The following ZMAT1 variants were observed in gnomAD, a reference collection of about 807,000 sequenced individuals.
The protein encoded by ZMAT1 is zinc finger matrin-type protein 1.
Under a neutral mutation model 18.5 loss-of-function variants are expected in ZMAT1, and 11 were observed. The ratio of observed to expected loss-of-function variants is 0.59; its 90% CI spans 0.37 to 0.98. ZMAT1 has a LOEUF of 0.98. Ranked by LOEUF, ZMAT1 falls within the 50% of genes least tolerant of loss-of-function variation. The pLI, the probability that ZMAT1 is intolerant of heterozygous loss-of-function variation, is 0.01. For synonymous variants in ZMAT1, 211 were observed against 176.4 expected (o/e 1.20, Z -1.55); for missense variants, 525 against 496.2 (o/e 1.06, Z -0.55).
At chrX:101,918,483 C>CACAA (rs758997318) in intron 1 of ZMAT1, 2 of 98,462 alleles carry the variant, frequency 2.0e-5, no homozygotes, top group African/African-American at 7.4e-5. Flanking sequence ...CACACACACA[C>CACAA]AAAAATTAGC....
chrX:101,914,751 C>A (rs1208496382), intron 1 of ZMAT1, among the ~76,000 whole-genome samples: 4 of 111,035 alleles, frequency 3.6e-5, no homozygotes, highest in Non-Finnish European at 7.6e-5. Flanking sequence ...TTGCTAAATT[C>A]TAGTAAACAT....
intron 1 of ZMAT1, among the ~76,000 whole-genome samples, chrX:101,929,436 TATA>T (rs1930310728): frequency 1.4e-5 from 1 of 72,117 alleles, no homozygotes; most frequent in Non-Finnish European, 2.3e-5. Flanking sequence ...TATATATATA[TATA>T]TATATATATA....
intron 2 of ZMAT1, among the ~76,000 whole-genome samples, chrX:101,903,435 A>C (rs1928391305): frequency 8.9e-6 from 1 of 111,994 alleles, no homozygotes; most frequent in Non-Finnish European, 1.9e-5. Flanking sequence ...CATTAGGATT[A>C]AAATATAATT....
At chrX:101,885,753 G>A (rs1034787799) in intron 5 of ZMAT1, among the ~76,000 whole-genome samples, 2 of 110,950 alleles carry the variant, frequency 1.8e-5, no homozygotes, top group Non-Finnish European at 3.8e-5. Flanking sequence ...GTGTGATCAT[G>A]GTTCACTGCA....
chrX:101,883,641 G>C lies in ZMAT1; in HGVS notation c.1957C>G (p.Arg653Gly). 4 of 1,200,512 alleles carry C rather than the reference G, an allele frequency of 3.3e-6. No homozygotes were observed. Among genetic ancestry groups the C allele is most frequent in the Non-Finnish European group, 4.5e-6 (4 of 891,112 alleles). The change falls in exon 6 of 6, where the codon CGA (arginine) becomes GGA (glycine). Residue 653 changes from arginine to glycine, a missense_variant. By Grantham distance (125) the Arg-to-Gly change is moderately radical. Coordinates refer to ENST00000651725, the MANE Select transcript of ZMAT1 (RefSeq NM_001394560.1). The stretch of plus-strand genomic sequence containing the variant: ...ACATCATGGCTTTTTTTCTTTTTTC[G>C]ATGCTTAAGCTTTCCTGAACTGACC... Reference protein sequence around the residue: ...VKVSSGKLKHRKKKKSHDVPS... With the variant: ...VKVSSGKLKHGKKKKSHDVPS...
At chrX:101,908,796 C>CA (rs1447040474) in intron 1 of ZMAT1, among the ~76,000 whole-genome samples, 1 of 111,602 alleles carries the variant, frequency 9.0e-6, no homozygotes, top group African/African-American at 3.3e-5. Context: ...AAAGTGCTCT[C>CA]AGTCTCTAAG....
intron 1 of ZMAT1, among the ~76,000 whole-genome samples, chrX:101,908,079 G>A (rs1289690406): frequency 8.9e-6 from 1 of 112,167 alleles, no homozygotes; most frequent in African/African-American, 3.2e-5. Context: ...AACTAGAAAC[G>A]TGTAAAAAAT....
chrX:101,912,885 T>A (rs1429148268), intron 1 of ZMAT1, among the ~76,000 whole-genome samples: 2 of 112,208 alleles, frequency 1.8e-5, no homozygotes, highest in East Asian at 2.8e-4. Flanking sequence ...GACTTTGAGA[T>A]GGCTTTTACT....
chrX:101,931,876 C>G lies in ZMAT1; in HGVS notation c.133G>C (p.Val45Leu). ...AAAAAAAAAA[V>L]IVPASSATSA... ...GTGGCGGAGGAGGCAGGAACAATTA[C>G]TGCCGCCGCCGCCGCCGCCGCCGCC... Residue 45 changes from valine to leucine, a missense_variant, in exon 1 of 6, where the codon GTA becomes CTA. Transcript: ENST00000651725. 2 of 798,252 alleles carry G rather than the reference C, an allele frequency of 2.5e-6. No homozygotes were observed. Among genetic ancestry groups the G allele is most frequent in the Non-Finnish European group, 3.0e-6 (2 of 671,212 alleles). The allele number at this position is 798,252 out of a possible 1,213,427, so 65.8% of individuals were successfully genotyped here. A position where few individuals can be genotyped will look rare whatever the true frequency, so the allele number is the denominator to read the frequency against.
chrX:101,886,655 C>T lies in ZMAT1; in HGVS notation c.753G>A (p.Met251Ile). ...ACTTAATTTGATGTTCACTTCCTTG[C>T]ATGTGGGACCGGAACATATCTAAAG... ...FTSLDMFRSHMQGSEHQIKES... is the reference protein window; with the variant it reads ...FTSLDMFRSHIQGSEHQIKES... The change falls in exon 5 of 6, where the codon ATG (methionine) becomes ATA (isoleucine). Residue 251 changes from methionine (M) to isoleucine (I), a missense_variant. Transcript: ENST00000651725. 1 of 1,204,917 alleles carries T rather than the reference C, an allele frequency of 8.3e-7. No individual in the cohort carries two copies. Among genetic ancestry groups the T allele is most frequent in the Non-Finnish European group, 1.1e-6 (1 of 892,048 alleles).
chrX:101,907,635 T>A (rs1038606455), intron 1 of ZMAT1, among the ~76,000 whole-genome samples: 11 of 111,941 alleles, frequency 9.8e-5, no homozygotes, highest in Non-Finnish European at 1.5e-4. Flanking sequence ...TTTTTAGAAA[T>A]CTCAATGAAC....
chrX:101,883,569 ATTTC>A lies in ZMAT1; in HGVS notation c.2025_2028del (p.Lys675AsnfsTer30). ...TCCTCTTCTGTCCTTTCTTCAACAG[ATTTC>A]TTTTTCTCTTTCCTGTGCTTACGTT... On this transcript the variant is annotated frameshift_variant, in exon 6 of 6. Coordinates refer to ENST00000651725, the MANE Select transcript of ZMAT1 (RefSeq NM_001394560.1). LOFTEE classifies it high-confidence loss of function. The A allele has an allele frequency of 8.3e-7, 1 of 1,200,899 alleles. No individual in the cohort carries two copies. The highest frequency in any genetic ancestry group is 1.1e-6 in the Non-Finnish European group (1 of 892,388).
chrX:101,914,909 C>A (rs911406674), intron 1 of ZMAT1, among the ~76,000 whole-genome samples: 2 of 111,490 alleles, frequency 1.8e-5, no homozygotes, highest in Non-Finnish European at 3.8e-5. Flanking sequence ...AGGCCAAGAT[C>A]TCTGATGAAT....
Position 101,931,762 on chromosome X carries a change from C to A in ZMAT1, c.247G>T (p.Gly83Trp), listed in dbSNP as rs935364294. ...GGSTMAAAGRGGSSFKVDTRP... is the reference protein window; with the variant it reads ...GGSTMAAAGRWGSSFKVDTRP... ...GTGTCTACTTTAAAACTACTGCCCCCCCTCCCCGCCGCCGCCATAGTGGAG... is the reference window on the plus strand; with the variant it reads ...GTGTCTACTTTAAAACTACTGCCCCACCTCCCCGCCGCCGCCATAGTGGAG... Residue 83 changes from glycine (G) to tryptophan (W), a missense_variant, in exon 1 of 6, where the codon GGG becomes TGG. Transcript: ENST00000651725. The A allele has an allele frequency of 6.5e-6, 5 of 772,697 alleles. No homozygotes were observed. Among genetic ancestry groups the A allele is most frequent in the Non-Finnish European group, 7.7e-6 (5 of 652,470 alleles). 63.7% of individuals were successfully genotyped at this position (772,697 alleles called of 1,213,427 possible).
rs542584730 is a variant in ZMAT1, at chrX:101,883,609, G to A, written c.1989C>T (p.Ser663=). The A allele has an allele frequency of 5.0e-6, 6 of 1,204,174 alleles. No homozygotes were observed. Among genetic ancestry groups the A allele is most frequent in the African/African-American group, 3.6e-5 (2 of 55,982 alleles). The part of the protein sequence containing the change: ...RKKKKSHDVP[S]EKEERKHRKE... Reference sequence around the variant, plus strand: ...TCCTGTGCTTACGTTCTTCTTTCTCGGAGGGTACATCATGGCTTTTTTTCT... The same window carrying A: ...TCCTGTGCTTACGTTCTTCTTTCTCAGAGGGTACATCATGGCTTTTTTTCT... The change falls in exon 6 of 6, where the codon TCC becomes TCT. Residue 663 remains serine (S), a synonymous_variant. Transcript: ENST00000651725.
intron 1 of ZMAT1, among the ~76,000 whole-genome samples, chrX:101,914,896 T>A (rs985146074): frequency 9.0e-6 from 1 of 111,162 alleles, no homozygotes; most frequent in Non-Finnish European, 1.9e-5. Context: ...AAAAGAAAAC[T>A]ACAGGCCAAG....
rs756409255 is a variant in ZMAT1, at chrX:101,898,770, G to A, written c.400-550C>T. Among the ~76,000 whole-genome samples the A allele has an allele frequency of 1.7e-3, 186 of 111,969 alleles. 1 individual carries two copies. Among genetic ancestry groups the A allele is most frequent in the African/African-American group, 5.8e-3 (180 of 30,795 alleles). ...CAGAGCAGAAAGACAGAAAATGCCC[G>A]CCAGACGTGGTGGCTCACGCCTGTA... is the stretch of plus-strand genomic sequence containing the variant. On this transcript the variant is annotated intron_variant, in intron 2 of 5. Coordinates refer to ENST00000651725, the MANE Select transcript of ZMAT1 (RefSeq NM_001394560.1).
intron 1 of ZMAT1, among the ~76,000 whole-genome samples, chrX:101,921,021 T>A (rs777074932): frequency 9.6e-6 from 1 of 104,177 alleles, no homozygotes; most frequent in African/African-American, 3.4e-5. Flanking sequence ...ATGAAGAGAT[T>A]TTTGAAAAAA....
rs1180918407 is a variant in ZMAT1, at chrX:101,931,981, G to C, written c.28C>G (p.Pro10Ala). The C allele has an allele frequency of 1.3e-6, 1 of 770,497 alleles. No individual in the cohort carries two copies. Among genetic ancestry groups the C allele is most frequent in the African/African-American group, 2.3e-5 (1 of 43,713 alleles). 63.5% of individuals were successfully genotyped at this position (770,497 alleles called of 1,213,427 possible). Residue 10 changes from proline to alanine, a missense_variant, in exon 1 of 6, where the codon CCG becomes GCG. Coordinates refer to ENST00000651725, the MANE Select transcript of ZMAT1 (RefSeq NM_001394560.1). ...TGAGGGGAAGACTCCGCCGCCAGCG[G>C]GGTGACTGTGCTCGGCGCCGCCGCC... Reference protein sequence around the residue: MAAAPSTVTPLAAESSPQEA... With the variant: MAAAPSTVTALAAESSPQEA...
Sources: allele counts gnomAD v4.1 joint callset (sites outside exome capture counted in the v4.1 genomes callset), GRCh38; gene constraint gnomAD v4.1.1; transcripts MANE v1.5; gene names NCBI Gene and HGNC (gene_info 2026-07-23, HGNC 2026-07-21).